RNGTT: variants seen among roughly 807,000 people sequenced by gnomAD.
RNGTT encodes mRNA-capping enzyme.
Under a neutral mutation model 79.3 loss-of-function variants are expected in RNGTT, and 33 were observed. That is an observed-to-expected ratio of 0.42 (90% confidence interval 0.32 to 0.56). The LOEUF is 0.56. RNGTT is among the 20% of genes least tolerant of loss of function. RNGTT has a pLI of 0.17. For missense variants in RNGTT, 497 were observed against 739.1 expected, an observed-to-expected ratio of 0.67 and a Z score of 3.80; for synonymous variants, 222 against 235.9, an observed-to-expected ratio of 0.94 and a Z score of 0.54.
chr6:88,704,426 TTC>T (rs1484994474), intron 13 of RNGTT, among the ~76,000 whole-genome samples: 1 of 152,158 alleles, frequency 6.6e-6, no homozygotes, highest in Non-Finnish European at 1.5e-5. Flanking sequence ...ATTAATAATC[TTC>T]TCTTTTTCCT....
At chr6:88,730,294 T>C (rs1445840665) in intron 13 of RNGTT, among the ~76,000 whole-genome samples, 2 of 152,178 alleles carry the variant, frequency 1.3e-5, no homozygotes, top group Non-Finnish European at 1.5e-5. Context: ...GTAATAACCA[T>C]TTTTCCCGCC....
chr6:88,761,018 T>TACACACACACAC (rs59719740), intron 13 of RNGTT, among the ~76,000 whole-genome samples: 20 of 131,238 alleles, frequency 1.5e-4, no homozygotes, highest in South Asian at 1.3e-3. Flanking sequence ...GCAAAAGAAA[T>TACACACACACAC]ACACACACAC....
At chr6:88,680,053 G>A (rs1174626353) in intron 13 of RNGTT, among the ~76,000 whole-genome samples, 1 of 152,152 alleles carries the variant, frequency 6.6e-6, no homozygotes, top group Non-Finnish European at 1.5e-5. Context: ...GGAACACTGT[G>A]TGGTATCTAG....
intron 14 of RNGTT, among the ~76,000 whole-genome samples, chr6:88,647,651 G>A (rs933550662): frequency 6.8e-6 from 1 of 146,346 alleles, no homozygotes; most frequent in South Asian, 2.1e-4. Context: ...GTTTGAGGCT[G>A]CAGTGATTGT....
intron 13 of RNGTT, among the ~76,000 whole-genome samples, chr6:88,734,725 G>A (rs550415783): frequency 6.6e-6 from 1 of 152,220 alleles, no homozygotes; most frequent in African/African-American, 2.4e-5. Flanking sequence ...CTATGGTGAC[G>A]TACAAGCAAC....
chr6:88,771,610 C>T (rs959628592), intron 12 of RNGTT, among the ~76,000 whole-genome samples: 3 of 151,802 alleles, frequency 2.0e-5, no homozygotes, highest in Non-Finnish European at 4.4e-5. Flanking sequence ...ATGAGGATTA[C>T]ACTGAATCAA....
At chr6:88,768,139 AGTGTGTGT>A (rs71021394) in intron 13 of RNGTT, among the ~76,000 whole-genome samples, 13 of 148,820 alleles carry the variant, frequency 8.7e-5, no homozygotes, top group African/African-American at 3.2e-4. Flanking sequence ...ATTTAGGGAT[AGTGTGTGT>A]GTGTGTGTGT....
chr6:88,926,998 T>C (rs930700635), intron 4 of RNGTT, among the ~76,000 whole-genome samples: 4 of 152,224 alleles, frequency 2.6e-5, no homozygotes, highest in African/African-American at 9.7e-5. Flanking sequence ...ATTTTCTTAC[T>C]ACTAGTTTTT....
At chr6:88,825,413 A>G (rs1274716925) in intron 11 of RNGTT, among the ~76,000 whole-genome samples, 2 of 152,218 alleles carry the variant, frequency 1.3e-5, no homozygotes, top group Admixed American at 6.5e-5. Context: ...AATTTATCCT[A>G]AGGAAATAAC....
chr6:88,741,310 C>T (rs1381759777), intron 13 of RNGTT, among the ~76,000 whole-genome samples: 4 of 152,086 alleles, frequency 2.6e-5, no homozygotes, highest in Non-Finnish European at 5.9e-5. Flanking sequence ...ATGGATATTG[C>T]TGAAGGCCAT....
intron 1 of RNGTT, among the ~76,000 whole-genome samples, chr6:88,952,217 C>T (rs1294238083): frequency 6.6e-6 from 1 of 152,132 alleles, no homozygotes; most frequent in Non-Finnish European, 1.5e-5. Flanking sequence ...TGGAACATAA[C>T]CTGTTGGCCC....
intron 11 of RNGTT, among the ~76,000 whole-genome samples, chr6:88,826,942 C>A (rs1396712889): frequency 6.6e-6 from 1 of 150,614 alleles, no homozygotes; most frequent in Non-Finnish European, 1.5e-5. Context: ...CAATGACCAA[C>A]AGAAGCTTCT....
chr6:88,791,866 T>A (rs1186795875), intron 12 of RNGTT, among the ~76,000 whole-genome samples: 2 of 115,872 alleles, frequency 1.7e-5, no homozygotes, highest in African/African-American at 6.0e-5. Flanking sequence ...CAAAATACCA[T>A]AACTATTATT....
intron 6 of RNGTT, among the ~76,000 whole-genome samples, chr6:88,904,507 A>G (rs925060726): frequency 6.6e-6 from 1 of 151,958 alleles, no homozygotes; most frequent in Admixed American, 6.6e-5. Flanking sequence ...TTGAGCCCAG[A>G]AGGTCAAGGC....
At chr6:88,614,207 C>T (rs1582234687) in intron 15 of RNGTT, 65 bp downstream of exon 15, 2 of 1,524,358 alleles carry the variant, frequency 1.3e-6, no homozygotes, top group South Asian at 2.3e-5. Context: ...AGGCAGCACA[C>T]TTTGGGTCTA....
At chr6:88,801,667 A>G in intron 11 of RNGTT, 35 bp from the exon 12 acceptor site, 4 of 1,351,120 alleles carry the variant, frequency 3.0e-6, no homozygotes, top group Non-Finnish European at 3.2e-6. Context: ...CTTTAAAAAT[A>G]TAATAATCAC....
chr6:88,656,779 TAAA>T (rs202061261), intron 14 of RNGTT, among the ~76,000 whole-genome samples: 1 of 135,832 alleles, frequency 7.4e-6, no homozygotes. Flanking sequence ...GTTAAGAGAT[TAAA>T]AAAAAAAAAA....
intron 14 of RNGTT, among the ~76,000 whole-genome samples, chr6:88,660,133 C>A (rs182158923): frequency 3.3e-5 from 5 of 152,270 alleles, no homozygotes; most frequent in Non-Finnish European, 7.4e-5. Flanking sequence ...GCCAGCACTA[C>A]AAGAAATGCT....
At chr6:88,954,303 C>T (rs147811104) in intron 1 of RNGTT, among the ~76,000 whole-genome samples, 156 of 152,046 alleles carry the variant, frequency 1.0e-3, no homozygotes, top group African/African-American at 3.7e-3. Context: ...ATATTCTACA[C>T]AACTGGAAAT....
Sources: gnomAD v4.1 joint callset for allele counts (sites outside exome capture counted in the v4.1 genomes callset) on GRCh38, gnomAD v4.1.1 for gene constraint, MANE v1.5 for transcripts, NCBI Gene and HGNC (gene_info 2026-07-23, HGNC 2026-07-21) for gene names.